The following IL23R variants were observed in gnomAD, a reference collection of about 807,000 sequenced individuals.
IL23R encodes the protein interleukin-23 receptor.
IL23R carries 34 observed loss-of-function variants against 56.9 expected under a neutral mutation model. The observed-to-expected ratio is 0.60, with a 90% CI of 0.45 to 0.80. The LOEUF is 0.80. Among genes scored for constraint, IL23R ranks in the 30% least tolerant of loss-of-function variants. IL23R has a pLI of 0.00. For missense variants in IL23R, 635 were observed against 730.0 expected (o/e 0.87, Z 1.50); for synonymous variants, 230 against 249.2 (o/e 0.92, Z 0.73).
At chr1:67,265,393 G>T in the IL23R span, among the ~76,000 whole-genome samples, 1 of 152,062 alleles carries the variant, frequency 6.6e-6, no homozygotes, top group Non-Finnish European at 1.5e-5. Context: ...AAATTATGAG[G>T]TTTTTCCTAG....
At chr1:67,256,706 G>A (rs1652971944) in intron 10 of IL23R, among the ~76,000 whole-genome samples, 1 of 152,098 alleles carries the variant, frequency 6.6e-6, no homozygotes. Context: ...GGAGAAGCAG[G>A]GAGAATTCAA....
At chr1:67,236,667 A>T in intron 7 of IL23R, 46 bp from the exon 8 acceptor site, 1 of 1,266,008 alleles carries the variant, frequency 7.9e-7, no homozygotes, top group Non-Finnish European at 1.2e-6. Context: ...TTTGGCAAGC[A>T]GAGTGCAAAA....
intron 6 of IL23R, among the ~76,000 whole-genome samples, chr1:67,208,276 G>T (rs188976321): frequency 2.6e-5 from 4 of 152,194 alleles, no homozygotes; most frequent in Non-Finnish European, 5.9e-5. Context: ...CCCATTCTGG[G>T]GGGGAGAAAT....
intron 4 of IL23R, among the ~76,000 whole-genome samples, chr1:67,195,595 C>G (rs1423816109): frequency 1.3e-5 from 2 of 151,984 alleles, no homozygotes; most frequent in African/African-American, 4.8e-5. Flanking sequence ...CATGACATAC[C>G]CTCCTCGTCC....
intron 7 of IL23R, among the ~76,000 whole-genome samples, chr1:67,221,590 T>C (rs1312611791): frequency 1.3e-5 from 2 of 152,202 alleles, no homozygotes; most frequent in South Asian, 2.1e-4. Context: ...ATAAAATGAA[T>C]CTATTGTAAT....
intron 9 of IL23R, among the ~76,000 whole-genome samples, chr1:67,253,057 A>G (rs1652737842): frequency 6.6e-6 from 1 of 152,212 alleles, no homozygotes; most frequent in South Asian, 2.1e-4. Flanking sequence ...GGATTCAAAT[A>G]TAGAGGTATG....
At chr1:67,167,963 C>T (rs1400666185) in intron 1 of IL23R, 129 bp from the exon 2 acceptor site, 1 of 623,544 alleles carries the variant, frequency 1.6e-6, no homozygotes, top group East Asian at 2.8e-5. Flanking sequence ...TTTCTTCCTT[C>T]CTTCTTTCCT....
chr1:67,151,198 C>A (rs1452672791), intron 1 of IL23R, among the ~76,000 whole-genome samples: 1 of 152,148 alleles, frequency 6.6e-6, no homozygotes, highest in Non-Finnish European at 1.5e-5. Flanking sequence ...CATTTCTCTG[C>A]AGATCAGTGG....
chr1:67,221,773 C>G (rs991994727), intron 7 of IL23R, among the ~76,000 whole-genome samples: 3 of 152,162 alleles, frequency 2.0e-5, no homozygotes, highest in Non-Finnish European at 4.4e-5. Flanking sequence ...TTTCAAGGCA[C>G]TTTGACATAC....
At chr1:67,182,983 A>G (rs1442700535) in intron 4 of IL23R, 24 bp downstream of exon 4, 3 of 1,613,440 alleles carry the variant, frequency 1.9e-6, no homozygotes, top group East Asian at 2.2e-5. Context: ...TCACGGCTTC[A>G]TATAAGCAGT....
At chr1:67,192,433 C>A (rs1647822444) in intron 4 of IL23R, among the ~76,000 whole-genome samples, 1 of 152,132 alleles carries the variant, frequency 6.6e-6, no homozygotes, top group Non-Finnish European at 1.5e-5. Context: ...GTATGTGCAA[C>A]TTTCACACCT....
rs769386834 is a variant in IL23R at position 67,182,977 on chromosome 1, G to A, written c.491+18G>A. ...GTGAAGAGGTAGGTCACTTCCTCAC[G>A]GCTTCATATAAGCAGTTCCACCCCA... On this transcript the variant is annotated intron_variant, in intron 4 of 10. Coordinates refer to ENST00000347310, the MANE Select transcript of IL23R (RefSeq NM_144701.3). 7.4e-6 allele frequency: 12 copies of A among 1,613,458 alleles called. No homozygotes were observed. Among genetic ancestry groups the A allele is most frequent in the Middle Eastern group, 1.7e-4 (1 of 6,058 alleles).
upstream of IL23R, among the ~76,000 whole-genome samples, chr1:67,163,329 C>A (rs747846993): frequency 6.6e-6 from 1 of 151,280 alleles, no homozygotes; most frequent in Admixed American, 6.6e-5. Context: ...ATTAGCCAGG[C>A]GTGTTGGCAG....
chr1:67,252,902 C>T (rs1224518417), intron 9 of IL23R, among the ~76,000 whole-genome samples: 1 of 151,680 alleles, frequency 6.6e-6, no homozygotes, highest in African/African-American at 2.4e-5. Context: ...TATTTGAACA[C>T]AGTTTGAACA....
intron 2 of IL23R, among the ~76,000 whole-genome samples, 184 bp from the exon 3 acceptor site, chr1:67,169,158 A>G (rs1170987814): frequency 1.3e-5 from 2 of 151,548 alleles, no homozygotes; most frequent in South Asian, 4.2e-4. Flanking sequence ...AAAAAAAAAA[A>G]AAGCCTAACA....
chr1:67,217,505 T>C (rs1027559901), intron 6 of IL23R, among the ~76,000 whole-genome samples: 19 of 152,072 alleles, frequency 1.2e-4, no homozygotes, highest in African/African-American at 4.6e-4. Context: ...AGCAAACATA[T>C]TGGAGACTAA....
chr1:67,248,986 G>A (rs1340547707), intron 9 of IL23R, among the ~76,000 whole-genome samples: 4 of 151,834 alleles, frequency 2.6e-5, no homozygotes, highest in Non-Finnish European at 5.9e-5. Context: ...CCCTCCATGA[G>A]CTGTACCCAC....
chr1:67,239,979 C>T (rs1374034070), intron 8 of IL23R, among the ~76,000 whole-genome samples, 200 bp from the exon 9 acceptor site: 19 of 152,158 alleles, frequency 1.2e-4, no homozygotes, highest in Admixed American at 1.2e-3. Flanking sequence ...CCAACTTTCT[C>T]AAACAAAAAG....
At chr1:67,258,042 A>G (rs776415246) in intron 10 of IL23R, among the ~76,000 whole-genome samples, 16 of 152,090 alleles carry the variant, frequency 1.1e-4, no homozygotes, top group Non-Finnish European at 2.2e-4. Context: ...TCGGTATGTG[A>G]GCAAAATAGG....
Sources: gnomAD v4.1 joint callset for allele counts (sites outside exome capture counted in the v4.1 genomes callset) on GRCh38, gnomAD v4.1.1 for gene constraint, MANE v1.5 for transcripts, NCBI Gene and HGNC (gene_info 2026-07-23, HGNC 2026-07-21) for gene names.